Variants in WDR88 observed in about 807,000 individuals in gnomAD.
The protein encoded by WDR88 is WD repeat-containing protein 88.
WDR88 carries 40 observed loss-of-function variants against 46.8 expected under a neutral mutation model. That is an observed-to-expected ratio of 0.86 (90% CI 0.66 to 1.11). The LOEUF is 1.11. WDR88 is among the 50% of genes most tolerant of loss of function. The pLI is 0.00. For missense variants in WDR88, 562 were observed against 602.4 expected (o/e 0.93, Z 0.70); for synonymous variants, 235 against 240.7 (o/e 0.98, Z 0.22).
intron 10 of WDR88, among the ~76,000 whole-genome samples, chr19:33,173,348 C>T (rs1974072196): frequency 6.6e-6 from 1 of 152,166 alleles, no homozygotes; most frequent in Non-Finnish European, 1.5e-5. Context: ...GGCTTAGGTG[C>T]CTGCGCTTCT....
intron 8 of WDR88, among the ~76,000 whole-genome samples, chr19:33,163,524 A>C (rs537789758): frequency 1.3e-5 from 2 of 152,136 alleles, no homozygotes; most frequent in Non-Finnish European, 2.9e-5. Context: ...AAACCCCAAA[A>C]AACAACAACA....
intron 10 of WDR88, chr19:33,174,290 G>A: frequency 6.5e-7 from 1 of 1,531,620 alleles, no homozygotes; most frequent in South Asian, 1.2e-5. Context: ...CCCGAGGCCT[G>A]CCCCAGGTAG....
At position 33,144,877 on chromosome 19, in the gene WDR88, G is replaced by C. The variant is rs775123698; in HGVS notation, c.421G>C (p.Glu141Gln). The change falls in exon 3 of 11, where the codon GAG (glutamate) becomes CAG (glutamine). Residue 141 changes from glutamate (E) to glutamine (Q), a missense_variant. Coordinates refer to ENST00000355868, the MANE Select transcript of WDR88 (RefSeq NM_173479.4). ...PVDGSVVRDF[E>Q]HRPKAPVVEC... is the part of the protein sequence containing the mutation. ...GGACGGTTCTGTGGTTCGCGATTTTGAGCACAGGCCCAAAGCTCCTGTTGT... is the reference window on the plus strand; with the variant it reads ...GGACGGTTCTGTGGTTCGCGATTTTCAGCACAGGCCCAAAGCTCCTGTTGT... 6.2e-7 allele frequency: 1 copy of C among 1,613,756 alleles called. No homozygotes were observed. Among genetic ancestry groups the C allele is most frequent in the Admixed American group, 1.7e-5 (1 of 59,932 alleles).
Position 33,158,597 on chromosome 19 carries a change from T to G in WDR88, c.998-1817T>G, listed in dbSNP as rs372220222. Among the ~76,000 whole-genome samples the G allele has an allele frequency of 1.8e-4, 28 of 152,332 alleles. 1 individual carries two copies. The South Asian group carries it at 4.1e-3, about 23-fold the overall frequency. The stretch of plus-strand genomic sequence containing the variant: ...CAGATGTGAAGAGCAGCAAAAAATC[T>G]AAGTCACCTCCCAGCTGAGGTTGGA... On this transcript the variant is annotated intron_variant, in intron 7 of 10. Transcript: ENST00000355868.
chr19:33,167,607 T>A (rs1973973493), intron 9 of WDR88, among the ~76,000 whole-genome samples: 1 of 152,024 alleles, frequency 6.6e-6, no homozygotes, highest in African/African-American at 2.4e-5. Context: ...GCATCCAAAT[T>A]GAAAAGGAAG....
intron 6 of WDR88, 144 bp from the exon 7 acceptor site, chr19:33,156,211 G>C (rs1973731215): frequency 4.3e-6 from 3 of 700,388 alleles, no homozygotes. Context: ...ACTTAGGTAT[G>C]TCTTCAGGTC....
intron 9 of WDR88, 28 bp downstream of exon 9, chr19:33,164,293 A>G (rs1180076176): frequency 6.2e-7 from 1 of 1,603,980 alleles, no homozygotes; most frequent in Non-Finnish European, 8.5e-7. Flanking sequence ...TACAATATCG[A>G]TCACGTTCGC....
At chr19:33,137,124 T>C (rs1973284121) in intron 1 of WDR88, among the ~76,000 whole-genome samples, 1 of 150,480 alleles carries the variant, frequency 6.6e-6, no homozygotes, top group Non-Finnish European at 1.5e-5. Flanking sequence ...TTTTTTTTTT[T>C]TTCCAATTTT....
At chr19:33,139,202 G>T (rs1973338689) in intron 2 of WDR88, among the ~76,000 whole-genome samples, 2 of 152,354 alleles carry the variant, frequency 1.3e-5, no homozygotes, top group Admixed American at 6.5e-5. Context: ...GCACCCCAAG[G>T]TGCAGCAGGC....
chr19:33,174,639 T>G (rs1046614101), intron 10 of WDR88: 5 of 985,310 alleles, frequency 5.1e-6, no homozygotes, highest in Non-Finnish European at 6.0e-6. Flanking sequence ...TCAGAAATCT[T>G]GCCTACTTGC....
chr19:33,145,654 C>T (rs1217538461), intron 3 of WDR88, among the ~76,000 whole-genome samples: 1 of 152,054 alleles, frequency 6.6e-6, no homozygotes, highest in African/African-American at 2.4e-5. Flanking sequence ...CCTGCCTCAG[C>T]CTCCTGAGTA....
chr19:33,139,352 G>C (rs915204384), intron 2 of WDR88, among the ~76,000 whole-genome samples: 1 of 152,252 alleles, frequency 6.6e-6, no homozygotes, highest in South Asian at 2.1e-4. Context: ...AGCAGGGCTG[G>C]GGGAAGGCAG....
intron 9 of WDR88, among the ~76,000 whole-genome samples, chr19:33,171,979 G>T (rs1974046519): frequency 6.6e-6 from 1 of 152,068 alleles, no homozygotes; most frequent in Non-Finnish European, 1.5e-5. Flanking sequence ...CACCATATTG[G>T]TCAGGCTGGT....
chr19:33,174,546 T>G, intron 10 of WDR88: 1 of 984,750 alleles, frequency 1.0e-6, no homozygotes, highest in Non-Finnish European at 1.2e-6. Flanking sequence ...CAGTGTACTC[T>G]GTGAGCTTTG....
intron 9 of WDR88, among the ~76,000 whole-genome samples, chr19:33,170,298 C>T (rs1974016606): frequency 6.6e-6 from 1 of 152,162 alleles, no homozygotes; most frequent in Admixed American, 6.5e-5. Context: ...CCGCCTTAGC[C>T]TCCCGAGTAG....
intron 8 of WDR88, among the ~76,000 whole-genome samples, chr19:33,160,947 G>A (rs936973362): frequency 3.3e-5 from 5 of 152,074 alleles, no homozygotes; most frequent in Admixed American, 1.3e-4. Flanking sequence ...TGAGGTGGGC[G>A]GATCACCTGA....
intron 3 of WDR88, among the ~76,000 whole-genome samples, chr19:33,146,078 G>A (rs889837489): frequency 6.6e-6 from 1 of 152,052 alleles, no homozygotes; most frequent in Non-Finnish European, 1.5e-5. Flanking sequence ...ATCACCTGAG[G>A]TCGGGTAGCC....
intron 10 of WDR88, chr19:33,174,340 T>C: frequency 1.4e-6 from 2 of 1,471,898 alleles, no homozygotes; most frequent in Non-Finnish European, 1.8e-6. Flanking sequence ...TGTCCTGGAG[T>C]GGGCAGAACA....
At chr19:33,157,738 A>AT (rs1973789417) in intron 7 of WDR88, among the ~76,000 whole-genome samples, 1 of 47,560 alleles carries the variant, frequency 2.1e-5, no homozygotes, top group Non-Finnish European at 2.9e-5. Flanking sequence ...TATATATATA[A>AT]AATTAAAGAG....
Sources: allele counts gnomAD v4.1 joint callset (sites outside exome capture counted in the v4.1 genomes callset), GRCh38; gene constraint gnomAD v4.1.1; transcripts MANE v1.5; gene names NCBI Gene and HGNC (gene_info 2026-07-23, HGNC 2026-07-21).